Variants in CFAP58 observed in about 807,000 individuals in gnomAD.
The protein encoded by CFAP58 is cilia- and flagella-associated protein 58.
In CFAP58, 88 loss-of-function variants were observed where a neutral mutation model predicts 119.5. The ratio of observed to expected loss-of-function variants is 0.74; its 90% CI spans 0.62 to 0.88. The LOEUF is 0.88. Among genes scored for constraint, CFAP58 ranks in the 40% least tolerant of loss-of-function variants. The probability of loss-of-function intolerance (pLI) is 0.00; values close to 1 mark genes in which losing one functional copy is unlikely to be tolerated. For missense variants in CFAP58, 990 were observed against 1,021.2 expected, an observed-to-expected ratio of 0.97 and a Z score of 0.42; for synonymous variants, 365 against 366.3, an observed-to-expected ratio of 1.00 and a Z score of 0.04.
intron 15 of CFAP58, among the ~76,000 whole-genome samples, chr10:104,436,752 G>A (rs1465938669): frequency 1.3e-5 from 2 of 152,092 alleles, no homozygotes; most frequent in Non-Finnish European, 2.9e-5. Context: ...AACTATATCA[G>A]CTTCTAACTG....
rs180924932 is a variant in CFAP58, at chr10:104,438,532, C to T, written c.2257-9166C>T. ...CTGGGACTACAGGCGCCCGCCACAG[C>T]GCCCGGCTAATTTTTTGTATTTTTA... On this transcript the variant is annotated intron_variant, in intron 15 of 17. Transcript: ENST00000369704. Among the ~76,000 whole-genome samples the T allele has an allele frequency of 7.6e-3, 1,150 of 151,724 alleles. 11 individuals are homozygous for T. The highest frequency in any genetic ancestry group is 0.026 in the African/African-American group (1,093 of 41,450).
At chr10:104,385,920 G>T (rs2011912452) in intron 9 of CFAP58, among the ~76,000 whole-genome samples, 1 of 152,130 alleles carries the variant, frequency 6.6e-6, no homozygotes, top group Non-Finnish European at 1.5e-5. Context: ...GAGAATTTAG[G>T]CAAGAAGAAA....
At chr10:104,389,197 A>G (rs11192032) in intron 9 of CFAP58, among the ~76,000 whole-genome samples, 34,740 of 152,108 alleles carry the variant, frequency 0.23, 4,311 homozygotes, top group Non-Finnish European at 0.28. Context: ...AACACTTAGA[A>G]ATACATTGCT....
At chr10:104,392,469 T>A (rs1347314660) in intron 10 of CFAP58, 75 bp downstream of exon 10, 9 of 1,082,576 alleles carry the variant, frequency 8.3e-6, no homozygotes, top group African/African-American at 1.6e-5. Context: ...GTTATCCTAA[T>A]GGCAGAATTT....
At chr10:104,386,672 A>T (rs1156876010) in intron 9 of CFAP58, among the ~76,000 whole-genome samples, 1 of 152,148 alleles carries the variant, frequency 6.6e-6, no homozygotes, top group Non-Finnish European at 1.5e-5. Context: ...TTCAATTTTG[A>T]GTTCTTCATA....
At chr10:104,381,833 A>G (rs1281805164) in intron 9 of CFAP58, among the ~76,000 whole-genome samples, 1 of 152,138 alleles carries the variant, frequency 6.6e-6, no homozygotes, top group South Asian at 2.1e-4. Flanking sequence ...GTGATCCCCA[A>G]TGGATTCTCA....
chr10:104,411,240 G>T (rs1186076638), intron 15 of CFAP58, among the ~76,000 whole-genome samples: 1 of 152,046 alleles, frequency 6.6e-6, no homozygotes, highest in Non-Finnish European at 1.5e-5. Flanking sequence ...AGTTCTTTCA[G>T]TGTGCTTATC....
rs554148057 is a variant in CFAP58, at chr10:104,445,894, A to T, written c.2257-1804A>T. On this transcript the variant is annotated intron_variant, in intron 15 of 17. Transcript: ENST00000369704. ...AGAATTACACCTGTGAAACATTTCA[A>T]GATGCTTGGAGTAAGATGGTCTTTT... Among the ~76,000 whole-genome samples, 3 of 152,332 alleles carry T rather than the reference A, an allele frequency of 2.0e-5. No homozygotes were observed. In the East Asian group the frequency reaches 5.8e-4, roughly 29 times the overall value.
At chr10:104,361,960 T>C in intron 2 of CFAP58, 63 bp from the exon 3 acceptor site, 1 of 1,488,768 alleles carries the variant, frequency 6.7e-7, no homozygotes, top group South Asian at 1.2e-5. Flanking sequence ...TTCTGTTTGC[T>C]GGTTTATCTT....
chr10:104,400,318 T>C (rs2012238491), intron 12 of CFAP58, among the ~76,000 whole-genome samples: 1 of 152,122 alleles, frequency 6.6e-6, no homozygotes, highest in Non-Finnish European at 1.5e-5. Context: ...GGCTAATTTT[T>C]ATATTTTTAG....
intron 17 of CFAP58, among the ~76,000 whole-genome samples, chr10:104,450,643 C>T (rs959588514): frequency 7.2e-5 from 11 of 152,046 alleles, no homozygotes; most frequent in Non-Finnish European, 1.0e-4. Flanking sequence ...CCCTGTACCA[C>T]TATAACTACT....
At chr10:104,399,690 C>A (rs116276214) in intron 12 of CFAP58, among the ~76,000 whole-genome samples, 190 bp downstream of exon 12, 3 of 152,126 alleles carry the variant, frequency 2.0e-5, no homozygotes, top group African/African-American at 7.2e-5. Context: ...GCACTTCCCA[C>A]GCCTTAGTCA....
chr10:104,449,160 G>GGT (rs2013155077), intron 16 of CFAP58, among the ~76,000 whole-genome samples: 1 of 126,188 alleles, frequency 7.9e-6, no homozygotes, highest in African/African-American at 3.6e-5. Flanking sequence ...TACTGAGACA[G>GGT]GTTTTTTTTT....
rs1163164958 is a variant in CFAP58 at position 104,358,250 on chromosome 10, G to A, written c.10-91G>A. 2.3e-6 allele frequency: 3 copies of A among 1,314,864 alleles called. No homozygotes were observed. The African/African-American group carries it at 4.5e-5, about 20-fold the overall frequency. The allele number at this position is 1,314,864 out of a possible 1,614,324, so 81.4% of individuals were successfully genotyped here. A position where few individuals can be genotyped will look rare whatever the true frequency, so the allele number is the denominator to read the frequency against. ...TGGTTTTAATTTTGCTCATATGGAG[G>A]TGTTTCATTCAGAGGTAATAGCAGT... On this transcript the variant is annotated intron_variant, in intron 1 of 17. Transcript: ENST00000369704.
At chr10:104,442,390 C>T (rs2013052063) in intron 15 of CFAP58, among the ~76,000 whole-genome samples, 1 of 152,028 alleles carries the variant, frequency 6.6e-6, no homozygotes, top group South Asian at 2.1e-4. Flanking sequence ...GAGTTCGAGA[C>T]CAGCCTGACC....
At chr10:104,437,924 A>T (rs2012960231) in intron 15 of CFAP58, among the ~76,000 whole-genome samples, 1 of 152,226 alleles carries the variant, frequency 6.6e-6, no homozygotes, top group Non-Finnish European at 1.5e-5. Context: ...CAAACTTTAT[A>T]TATCTTTCTA....
chr10:104,343,957 G>C, the CFAP58 span, among the ~76,000 whole-genome samples: 2 of 152,274 alleles, frequency 1.3e-5, no homozygotes, highest in East Asian at 3.9e-4. Context: ...TGCCCAGGCT[G>C]GTCTCAGACT....
intron 15 of CFAP58, among the ~76,000 whole-genome samples, chr10:104,409,796 A>G (rs2012431129): frequency 6.6e-6 from 1 of 151,930 alleles, no homozygotes; most frequent in Non-Finnish European, 1.5e-5. Context: ...GTTTTCCTAT[A>G]TTTTTACTTT....
At chr10:104,447,444 T>C (rs2013127306) in intron 15 of CFAP58, among the ~76,000 whole-genome samples, 1 of 152,212 alleles carries the variant, frequency 6.6e-6, no homozygotes, top group East Asian at 1.9e-4. Flanking sequence ...GTCCTTGTGA[T>C]CTTATGTTCA....
Sources: gnomAD v4.1 joint callset for allele counts (sites outside exome capture counted in the v4.1 genomes callset) on GRCh38, gnomAD v4.1.1 for gene constraint, MANE v1.5 for transcripts, NCBI Gene and HGNC (gene_info 2026-07-23, HGNC 2026-07-21) for gene names.